UBE2H: variants seen among roughly 807,000 people sequenced by gnomAD.
UBE2H encodes ubiquitin conjugating enzyme E2 H.
In UBE2H, 3 loss-of-function variants were observed where a neutral mutation model predicts 29.0. The observed-to-expected ratio is 0.10, with a 90% CI of 0.05 to 0.27. The LOEUF (loss-of-function observed/expected upper bound fraction) is 0.27, where lower values mean the gene tolerates loss of function less well. Ranked by LOEUF, UBE2H falls within the 10% of genes least tolerant of loss-of-function variation. The probability of loss-of-function intolerance (pLI) is 1.00; values close to 1 mark genes in which losing one functional copy is unlikely to be tolerated. For synonymous variants in UBE2H, 69 were observed against 82.9 expected, an observed-to-expected ratio of 0.83 and a Z score of 0.91; for missense variants, 68 against 228.2, an observed-to-expected ratio of 0.30 and a Z score of 4.52.
At chr7:129,861,772 T>C (rs1314400077) in intron 3 of UBE2H, among the ~76,000 whole-genome samples, 1 of 152,018 alleles carries the variant, frequency 6.6e-6, no homozygotes, top group Non-Finnish European at 1.5e-5. Context: ...CCACCTGTAG[T>C]CCCAGCTACT....
chr7:129,880,246 C>CCT (rs1806226809), intron 2 of UBE2H, among the ~76,000 whole-genome samples: 1 of 152,154 alleles, frequency 6.6e-6, no homozygotes, highest in African/African-American at 2.4e-5. Context: ...GGGGCTCATG[C>CCT]CTGTAATCCC....
rs1261048203 is a variant in UBE2H, at chr7:129,832,947, T to G, written c.*1990A>C. Reference sequence around the variant, plus strand: ...ACAGTGCCAGCAGAGAGACCCTCCCTCCCCCAAAGCAATGAGAAGACAGCG... The same window carrying G: ...ACAGTGCCAGCAGAGAGACCCTCCCGCCCCCAAAGCAATGAGAAGACAGCG... On this transcript the variant is annotated 3_prime_UTR_variant, in exon 7 of 7. Coordinates refer to ENST00000355621, the MANE Select transcript of UBE2H (RefSeq NM_003344.4). 6.6e-6 allele frequency: 1 copy of G among 151,934 alleles called. No individual in the cohort carries two copies. Among genetic ancestry groups the G allele is most frequent in the African/African-American group, 2.4e-5 (1 of 41,320 alleles). 9.4% of individuals were successfully genotyped at this position (151,934 alleles called of 1,614,324 possible).
At chr7:129,939,446 A>G (rs991113226) in intron 1 of UBE2H, among the ~76,000 whole-genome samples, 2 of 152,346 alleles carry the variant, frequency 1.3e-5, no homozygotes, top group South Asian at 4.1e-4. Flanking sequence ...TTACAGGTTT[A>G]GATTCAAGAA....
At chr7:129,921,899 G>A (rs1314825065) in intron 1 of UBE2H, among the ~76,000 whole-genome samples, 1 of 151,912 alleles carries the variant, frequency 6.6e-6, no homozygotes, top group East Asian at 1.9e-4. Context: ...TTTCCTCTAT[G>A]GATATTACAT....
intron 1 of UBE2H, among the ~76,000 whole-genome samples, chr7:129,940,970 T>C (rs1807630313): frequency 1.3e-5 from 2 of 152,232 alleles, no homozygotes; most frequent in Non-Finnish European, 2.9e-5. Context: ...ATCTTTTTTT[T>C]TGGAGACGGA....
chr7:129,860,689 T>C (rs1367874226), intron 3 of UBE2H, among the ~76,000 whole-genome samples: 2 of 152,014 alleles, frequency 1.3e-5, no homozygotes, highest in South Asian at 4.2e-4. Context: ...GTGTATCAAC[T>C]TGTATACATC....
At chr7:129,864,270 G>A (rs753409977) in intron 3 of UBE2H, among the ~76,000 whole-genome samples, 3 of 152,168 alleles carry the variant, frequency 2.0e-5, no homozygotes, top group Non-Finnish European at 2.9e-5. Context: ...GAGAAAGAAC[G>A]GGCCAGAAAT....
At chr7:129,878,737 G>C (rs945258339) in intron 3 of UBE2H, among the ~76,000 whole-genome samples, 1 of 149,030 alleles carries the variant, frequency 6.7e-6, no homozygotes, top group Non-Finnish European at 1.5e-5. Flanking sequence ...TTTGAACTCT[G>C]GCAATTCTGA....
At position 129,834,835 on chromosome 7, in the gene UBE2H, G is replaced by A. The variant is rs1420046156; in HGVS notation, c.*102C>T. The A allele has an allele frequency of 7.1e-7, 1 of 1,399,126 alleles. No individual in the cohort carries two copies. The highest frequency in any genetic ancestry group is 2.5e-5 in the East Asian group (1 of 40,508). The allele number at this position is 1,399,126 out of a possible 1,614,324, so 86.7% of individuals were successfully genotyped here. A position where few individuals can be genotyped will look rare whatever the true frequency, so the allele number is the denominator to read the frequency against. On this transcript the variant is annotated 3_prime_UTR_variant, in exon 7 of 7. Coordinates refer to ENST00000355621, the MANE Select transcript of UBE2H (RefSeq NM_003344.4). ...CAATGCTATTATTCATAAAAACCTT[G>A]TTTAGTAATAAAAAAAATTGCTTTG...
At position 129,835,506 on chromosome 7, in the gene UBE2H, A is replaced by G. The variant is rs553654131; in HGVS notation, c.428-445T>C. Among the ~76,000 whole-genome samples, 6 of 152,256 alleles carry G rather than the reference A, an allele frequency of 3.9e-5. No homozygotes were observed. The East Asian group carries it at 1.2e-3, about 29-fold the overall frequency. ...ACGGTCAGTCCAGGTCTATTATTTT[A>G]GGAATCGATTTTAGTCTAAACAGAT... On this transcript the variant is annotated intron_variant, in intron 6 of 6. Transcript: ENST00000355621.
At chr7:129,881,950 A>G (rs1193154805) in intron 1 of UBE2H, among the ~76,000 whole-genome samples, 2 of 152,158 alleles carry the variant, frequency 1.3e-5, no homozygotes, top group Non-Finnish European at 2.9e-5. Context: ...AAGACCAACA[A>G]AACAAAAAAA....
chr7:129,913,006 T>C (rs975256986), intron 1 of UBE2H, among the ~76,000 whole-genome samples: 11 of 152,128 alleles, frequency 7.2e-5, no homozygotes, highest in Non-Finnish European at 1.3e-4. Flanking sequence ...ATCCCAGCAC[T>C]TTCGGAGGCC....
rs183269182 is a variant in UBE2H, at chr7:129,938,318, G to A, written c.53+14185C>T. Among the ~76,000 whole-genome samples the A allele has an allele frequency of 1.8e-3, 263 of 147,720 alleles. 1 individual carries two copies. Among genetic ancestry groups the A allele is most frequent in the South Asian group, 0.013 (57 of 4,506 alleles). On this transcript the variant is annotated intron_variant, in intron 1 of 6. Transcript: ENST00000355621. ...TTCCAGCTACTCAGGGGGATGAGGCGGGATTGCTTTGCACCCAGGAGGTCA... is the reference window on the plus strand; with the variant it reads ...TTCCAGCTACTCAGGGGGATGAGGCAGGATTGCTTTGCACCCAGGAGGTCA...
chr7:129,912,824 A>G (rs1176222974), intron 1 of UBE2H, among the ~76,000 whole-genome samples: 1 of 152,220 alleles, frequency 6.6e-6, no homozygotes, highest in African/African-American at 2.4e-5. Context: ...TGAAATGTAC[A>G]CTATGTTCAA....
chr7:129,883,820 C>A (rs1456860270), intron 1 of UBE2H, among the ~76,000 whole-genome samples: 1 of 151,700 alleles, frequency 6.6e-6, no homozygotes, highest in Non-Finnish European at 1.5e-5. Context: ...CCAGCCTGGG[C>A]AACAGAGTGA....
Position 129,925,103 on chromosome 7 carries a change from A to T in UBE2H, c.53+27400T>A, listed in dbSNP as rs529295887. 5.9e-5 allele frequency among the ~76,000 whole-genome samples: 9 copies of T among 152,286 alleles called. No homozygotes were observed. In the South Asian group the frequency reaches 1.9e-3, roughly 32 times the overall value. On this transcript the variant is annotated intron_variant, in intron 1 of 6. Coordinates refer to ENST00000355621, the MANE Select transcript of UBE2H (RefSeq NM_003344.4). ...GGTGGTTCACGCCTATAATCCCAGCACTTTGGGAGGCCAAGGTGGGTGGAT... is the reference window on the plus strand; with the variant it reads ...GGTGGTTCACGCCTATAATCCCAGCTCTTTGGGAGGCCAAGGTGGGTGGAT...
At chr7:129,934,774 A>G (rs191046258) in intron 1 of UBE2H, among the ~76,000 whole-genome samples, 1 of 151,572 alleles carries the variant, frequency 6.6e-6, no homozygotes, top group African/African-American at 2.4e-5. Flanking sequence ...AAAATAAAAT[A>G]AAAATTTTAA....
intron 5 of UBE2H, among the ~76,000 whole-genome samples, chr7:129,846,826 C>T (rs1359117017): frequency 6.6e-6 from 1 of 152,116 alleles, no homozygotes; most frequent in African/African-American, 2.4e-5. Flanking sequence ...ATCCCACTTA[C>T]CCCATCCCCT....
intron 3 of UBE2H, among the ~76,000 whole-genome samples, chr7:129,872,544 A>AT (rs945471529): frequency 1.1e-3 from 166 of 151,606 alleles, no homozygotes; most frequent in African/African-American, 3.5e-3. Context: ...TGAGTAAAAA[A>AT]ATATATATAT....
Sources: allele counts gnomAD v4.1 joint callset (sites outside exome capture counted in the v4.1 genomes callset), GRCh38; gene constraint gnomAD v4.1.1; transcripts MANE v1.5; gene names NCBI Gene and HGNC (gene_info 2026-07-23, HGNC 2026-07-21).